QTGAL: variants seen among roughly 807,000 people sequenced by gnomAD.
QTGAL encodes the protein queuosine-tRNA galactosyltransferase.
At chr17:82,947,804 T>G in the QTGAL span, 1 of 152,424 alleles carries the variant, frequency 6.6e-6, no homozygotes, top group African/African-American at 2.4e-5. Flanking sequence ...AATGATGCTG[T>G]CACTCAAAGC....
chr17:83,025,309 G>A, the QTGAL span, among the ~76,000 whole-genome samples: 1 of 318 alleles, frequency 3.1e-3, no homozygotes, highest in African/African-American at 0.05. Flanking sequence ...ACACACACAC[G>A]GACACCGCGG....
chr17:83,011,418 A>G, the QTGAL span: 1 of 152,258 alleles, frequency 6.6e-6, no homozygotes, highest in Admixed American at 6.5e-5. Context: ...TTAAGAAAAC[A>G]ACGACCAAGT....
the QTGAL span, chr17:82,942,426 A>C: frequency 6.2e-7 from 1 of 1,613,870 alleles, no homozygotes; most frequent in East Asian, 2.2e-5. Flanking sequence ...GACCAGCCTG[A>C]GCTTGTCTTG....
the QTGAL span, among the ~76,000 whole-genome samples, chr17:82,996,405 C>T: frequency 6.6e-6 from 1 of 151,830 alleles, no homozygotes; most frequent in East Asian, 1.9e-4. Context: ...ACCTGTAGTC[C>T]CAGCTGCTCA....
At chr17:82,956,577 C>T in the QTGAL span, 2 of 1,178,550 alleles carry the variant, frequency 1.7e-6, no homozygotes, top group Non-Finnish European at 2.3e-6. The surrounding 1 kb of genome is among the most constrained non-coding windows in gnomAD (Gnocchi z 5.7). Context: ...GTCCCCATGC[C>T]CACCATCGGC....
chr17:82,957,320 G>C, the QTGAL span: 42 of 1,613,796 alleles, frequency 2.6e-5, no homozygotes, highest in Non-Finnish European at 3.4e-5. Flanking sequence ...ACAGTACGGG[G>C]GCAGGGCAGG....
the QTGAL span, among the ~76,000 whole-genome samples, chr17:83,004,771 C>G: frequency 1.3e-5 from 2 of 151,664 alleles, no homozygotes; most frequent in African/African-American, 2.4e-5. Context: ...CCGCAGTCCG[C>G]GTGTGGGATT....
the QTGAL span, among the ~76,000 whole-genome samples, chr17:83,045,144 G>A: frequency 6.6e-6 from 1 of 152,264 alleles, no homozygotes; most frequent in South Asian, 2.1e-4. Flanking sequence ...CCCTAGAAAT[G>A]AGCACTCTCA....
At chr17:82,943,507 T>A in the QTGAL span, 1 of 152,174 alleles carries the variant, frequency 6.6e-6, no homozygotes, top group African/African-American at 2.4e-5. Context: ...GTGGTGTAGA[T>A]TAGGGTGGCT....
chr17:83,025,605 A>ACACACACGGACACCGCGGAGAGTC, the QTGAL span, among the ~76,000 whole-genome samples: 174 of 139,842 alleles, frequency 1.2e-3, 1 homozygote, highest in African/African-American at 4.4e-3. Flanking sequence ...TGAAGTCCAC[A>ACACACACGGACACCGCGGAGAGTC]CACACACGGA....
the QTGAL span, among the ~76,000 whole-genome samples, chr17:83,013,813 G>C: frequency 2.0e-5 from 3 of 152,286 alleles, no homozygotes; most frequent in South Asian, 6.2e-4. Flanking sequence ...AAACCCAAGT[G>C]ATCACCGCTG....
chr17:82,963,109 C>G, the QTGAL span, among the ~76,000 whole-genome samples: 1 of 152,176 alleles, frequency 6.6e-6, no homozygotes, highest in Non-Finnish European at 1.5e-5. Flanking sequence ...GTGTGGCCGC[C>G]GCCCAGCCCC....
the QTGAL span, among the ~76,000 whole-genome samples, chr17:82,988,224 T>G: frequency 6.6e-6 from 1 of 152,132 alleles, no homozygotes; most frequent in African/African-American, 2.4e-5. Flanking sequence ...CAAACAGAGC[T>G]TCGACAAACC....
chr17:82,989,870 G>A, the QTGAL span, among the ~76,000 whole-genome samples: 2 of 152,174 alleles, frequency 1.3e-5, no homozygotes, highest in East Asian at 3.8e-4. Flanking sequence ...TCTGATTTAT[G>A]AAAAAGTATA....
chr17:83,041,694 A>G, the QTGAL span, among the ~76,000 whole-genome samples: 7 of 152,222 alleles, frequency 4.6e-5, no homozygotes, highest in Non-Finnish European at 2.9e-5. Flanking sequence ...GCTGTGACTC[A>G]TGGCCACTGC....
At chr17:83,039,661 G>C in the QTGAL span, among the ~76,000 whole-genome samples, 2 of 152,304 alleles carry the variant, frequency 1.3e-5, no homozygotes, top group East Asian at 3.9e-4. Flanking sequence ...ACACACTGCA[G>C]ATTAGCTCAT....
At chr17:83,010,664 A>G in the QTGAL span, among the ~76,000 whole-genome samples, 1 of 152,160 alleles carries the variant, frequency 6.6e-6, no homozygotes, top group Non-Finnish European at 1.5e-5. Context: ...TAAACAGAAC[A>G]CCTGGAAGTC....
the QTGAL span, among the ~76,000 whole-genome samples, chr17:83,010,054 G>A: frequency 8.1e-6 from 1 of 124,078 alleles, no homozygotes; most frequent in African/African-American, 3.1e-5. Context: ...GGGGGGCTGG[G>A]GGGGCTGTGG....
the QTGAL span, chr17:82,942,393 T>C: frequency 6.2e-7 from 1 of 1,612,804 alleles, no homozygotes. Context: ...GTCCCCTGGC[T>C]GGGAATGGTG....
Sources: gnomAD v4.1 joint callset for allele counts (sites outside exome capture counted in the v4.1 genomes callset) on GRCh38, gnomAD v4.1.1 for gene constraint, Gnocchi (gnomAD v3.1) non-coding constraint, MANE v1.5 for transcripts, NCBI Gene and HGNC (gene_info 2026-07-23, HGNC 2026-07-21) for gene names.